LTBP1: variants seen among roughly 807,000 people sequenced by gnomAD.
LTBP1 encodes latent-transforming growth factor beta-binding protein 1.
Under a neutral mutation model 207.6 loss-of-function variants are expected in LTBP1, and 129 were observed. That is an observed-to-expected ratio of 0.62 (90% CI 0.54 to 0.72). The LOEUF is 0.72. Among genes scored for constraint, LTBP1 ranks in the 30% least tolerant of loss-of-function variants. LTBP1 has a pLI of 0.00. For missense variants in LTBP1, 2,281 were observed against 2,217.2 expected (o/e 1.03, Z -0.58); for synonymous variants, 963 against 833.7 (o/e 1.16, Z -2.67).
intron 27 of LTBP1, among the ~76,000 whole-genome samples, 156 bp from the exon 28 acceptor site, chr2:33,361,273 C>A (rs1025528720): frequency 7.9e-5 from 12 of 152,088 alleles, no homozygotes; most frequent in African/African-American, 2.9e-4. Context: ...CATTAGATTT[C>A]TTTGCACTTA....
At chr2:33,051,426 A>C (rs925409789) in intron 3 of LTBP1, among the ~76,000 whole-genome samples, 2 of 151,834 alleles carry the variant, frequency 1.3e-5, no homozygotes, top group African/African-American at 4.8e-5. Flanking sequence ...CTAAAATAAG[A>C]AAAAAAACAC....
chr2:33,277,834 T>C (rs149670608), intron 18 of LTBP1, among the ~76,000 whole-genome samples: 28,787 of 108,564 alleles, frequency 0.27, 4,882 homozygotes, highest in Non-Finnish European at 0.34. Flanking sequence ...TCTTTCTTTT[T>C]TTTTTTTTTT....
Position 33,309,512 on chromosome 2 carries a change from C to T in LTBP1, c.3560C>T (p.Thr1187Ile), listed in dbSNP as rs1164388476. Residue 1187 changes from threonine to isoleucine, a missense_variant, in exon 23 of 34, where the codon ACT (threonine) becomes ATT (isoleucine). Coordinates refer to ENST00000404816, the MANE Select transcript of LTBP1 (RefSeq NM_206943.4). ...AATACTGCAGGGTCCTATGATTGTA[C>T]TTGTCCGGATGGATTTCAGCTAGAT... The part of the protein sequence containing the change: ...CINTAGSYDC[T>I]CPDGFQLDDN... The T allele has an allele frequency of 1.2e-6, 2 of 1,610,326 alleles. No homozygotes were observed. Among genetic ancestry groups the T allele is most frequent in the Non-Finnish European group, 1.7e-6 (2 of 1,178,560 alleles).
At chr2:33,309,670 T>C (rs2094152417) in intron 23 of LTBP1, 114 bp downstream of exon 23, 1 of 1,256,946 alleles carries the variant, frequency 8.0e-7, no homozygotes, top group Admixed American at 2.3e-5. Context: ...ATAATTTATG[T>C]CAATTTTTGA....
At chr2:33,221,434 A>G (rs1424718279) in intron 8 of LTBP1, among the ~76,000 whole-genome samples, 1 of 152,214 alleles carries the variant, frequency 6.6e-6, no homozygotes, top group Non-Finnish European at 1.5e-5. Flanking sequence ...GAGTATCAGA[A>G]TCTCAGGAAA....
At chr2:33,328,683 C>T (rs2094459268) in intron 24 of LTBP1, among the ~76,000 whole-genome samples, 1 of 152,188 alleles carries the variant, frequency 6.6e-6, no homozygotes, top group African/African-American at 2.4e-5. Context: ...CTGCCCTTGA[C>T]ACATGGGGAT....
At chr2:33,039,443 T>A (rs2149390925) in intron 3 of LTBP1, among the ~76,000 whole-genome samples, 1 of 152,330 alleles carries the variant, frequency 6.6e-6, no homozygotes, top group Non-Finnish European at 1.5e-5. Context: ...CCATCTTGAG[T>A]GTCCTTCTTA....
At chr2:33,048,624 C>T (rs1190616266) in intron 3 of LTBP1, among the ~76,000 whole-genome samples, 2 of 152,148 alleles carry the variant, frequency 1.3e-5, no homozygotes, top group African/African-American at 2.4e-5. Flanking sequence ...CCAGACTGAC[C>T]CTGGTCCTTC....
chr2:33,217,314 ATT>A (rs913149819), intron 7 of LTBP1, among the ~76,000 whole-genome samples: 11 of 152,202 alleles, frequency 7.2e-5, no homozygotes, highest in Admixed American at 3.9e-4. Flanking sequence ...GCAGTGACAG[ATT>A]TTCTTAGACT....
At chr2:33,119,688 G>A (rs569468846) in intron 4 of LTBP1, among the ~76,000 whole-genome samples, 4 of 152,138 alleles carry the variant, frequency 2.6e-5, no homozygotes, top group African/African-American at 9.6e-5. Flanking sequence ...TCCCGAGTAG[G>A]CTGGGACTAC....
Position 33,133,811 on chromosome 2 carries a change from A to G in LTBP1, c.1034-982A>G, listed in dbSNP as rs1009504912. Among the ~76,000 whole-genome samples the G allele has an allele frequency of 3.9e-5, 6 of 152,308 alleles. No homozygotes were observed. In the East Asian group the frequency reaches 9.6e-4, roughly 24 times the overall value. ...AAGTGTGTAGAAAATGCCAGTTTCA[A>G]TTCTCTCAAGTTTTGGAAAAACTGA... is the stretch of plus-strand genomic sequence containing the variant. On this transcript the variant is annotated intron_variant, in intron 4 of 33. Coordinates refer to ENST00000404816, the MANE Select transcript of LTBP1 (RefSeq NM_206943.4).
At chr2:33,087,494 T>C (rs1164996105) in intron 3 of LTBP1, among the ~76,000 whole-genome samples, 2 of 152,168 alleles carry the variant, frequency 1.3e-5, no homozygotes, top group East Asian at 3.9e-4. Flanking sequence ...TACTTTAAGA[T>C]GAGAGAATTA....
Position 33,387,462 on chromosome 2 carries a change from CAA to C in LTBP1, c.4712-1719_4712-1718del, listed in dbSNP as rs372086951. On this transcript the variant is annotated intron_variant, in intron 31 of 33. Transcript: ENST00000404816. ...ATATTTCACACAGAATGGTTTCATGCAAAAGTGCTGGGACGCCTGGAGTCTGG... is the reference window on the plus strand; with the variant it reads ...ATATTTCACACAGAATGGTTTCATGCAAGTGCTGGGACGCCTGGAGTCTGG... Among the ~76,000 whole-genome samples, 108 of 152,328 alleles carry C rather than the reference CAA, an allele frequency of 7.1e-4. 3 individuals are homozygous for C. In the East Asian group the frequency reaches 0.017, roughly 24 times the overall value.
chr2:33,278,362 GA>G (rs2148506873), intron 18 of LTBP1, among the ~76,000 whole-genome samples: 1 of 152,258 alleles, frequency 6.6e-6, no homozygotes, highest in East Asian at 1.9e-4. Context: ...GTCTTGAAAA[GA>G]AGAAGGAGCC....
chr2:33,277,119 C>G (rs2093441151), intron 18 of LTBP1, among the ~76,000 whole-genome samples: 1 of 152,132 alleles, frequency 6.6e-6, no homozygotes, highest in South Asian at 2.1e-4. Flanking sequence ...CTGGCTTCTG[C>G]CTGTTGGTTT....
intron 15 of LTBP1, among the ~76,000 whole-genome samples, chr2:33,270,732 G>A (rs755959733): frequency 2.6e-5 from 4 of 152,028 alleles, no homozygotes; most frequent in Non-Finnish European, 5.9e-5. Flanking sequence ...GTTTCAGAAA[G>A]TGTCCCTCTT....
chr2:33,005,019 T>C (rs219176), intron 2 of LTBP1, among the ~76,000 whole-genome samples: 78,147 of 151,416 alleles, frequency 0.52, 21,660 homozygotes, highest in Non-Finnish European at 0.63. Context: ...AAGTTATTAA[T>C]CATATCTGTG....
intron 3 of LTBP1, among the ~76,000 whole-genome samples, chr2:33,064,104 T>G (rs2077392119): frequency 6.6e-6 from 1 of 152,200 alleles, no homozygotes; most frequent in South Asian, 2.1e-4. Context: ...TTACCCGCCT[T>G]GGCCTCCCAA....
intron 7 of LTBP1, among the ~76,000 whole-genome samples, chr2:33,189,113 A>G (rs185284342): frequency 2.1e-4 from 32 of 152,300 alleles, no homozygotes; most frequent in Admixed American, 1.8e-3. Context: ...GGAACCTAAA[A>G]TATTTACTGT....
Sources: allele counts gnomAD v4.1 joint callset (sites outside exome capture counted in the v4.1 genomes callset), GRCh38; gene constraint gnomAD v4.1.1; transcripts MANE v1.5; gene names NCBI Gene and HGNC (gene_info 2026-07-23, HGNC 2026-07-21).